The following RAI14 variants were observed in gnomAD, a reference collection of about 807,000 sequenced individuals.
The protein encoded by RAI14 is ankycorbin.
A neutral mutation model predicts 115.4 loss-of-function variants in RAI14; 45 were observed. The observed-to-expected ratio is 0.39, with a 90% CI of 0.31 to 0.50. The LOEUF is 0.50. Among genes scored for constraint, RAI14 ranks in the 20% least tolerant of loss-of-function variants. The pLI, the probability that RAI14 is intolerant of heterozygous loss-of-function variation, is 0.85. For missense variants in RAI14, 939 were observed against 1,131.2 expected, an observed-to-expected ratio of 0.83 and a Z score of 2.44; for synonymous variants, 371 against 415.4, an observed-to-expected ratio of 0.89 and a Z score of 1.30.
chr5:34,682,662 A>G (rs3816325), intron 1 of RAI14, among the ~76,000 whole-genome samples: 24,757 of 152,208 alleles, frequency 0.16, 2,264 homozygotes, highest in East Asian at 0.3. Context: ...GATGGATGCC[A>G]TATTTCAGGG....
chr5:34,722,493 G>T (rs555401392), intron 2 of RAI14, among the ~76,000 whole-genome samples: 2 of 151,804 alleles, frequency 1.3e-5, no homozygotes, highest in South Asian at 4.2e-4. Flanking sequence ...CATCCCCTCC[G>T]GTTTTAGTGA....
At chr5:34,724,558 T>G (rs1234424201) in intron 2 of RAI14, among the ~76,000 whole-genome samples, 2 of 151,992 alleles carry the variant, frequency 1.3e-5, no homozygotes, top group Non-Finnish European at 1.5e-5. Context: ...AACTGGCAAG[T>G]GGACCGAGAA....
chr5:34,745,406 C>G (rs953714745), intron 2 of RAI14, among the ~76,000 whole-genome samples: 1 of 152,174 alleles, frequency 6.6e-6, no homozygotes, highest in African/African-American at 2.4e-5. Context: ...AAGTGGCTCC[C>G]TAATATTTCA....
Position 34,732,649 on chromosome 5 carries a change from G to A in RAI14, c.37-24819G>A, listed in dbSNP as rs181839331. On this transcript the variant is annotated intron_variant, in intron 2 of 17. Transcript: ENST00000265109. ...AGATGGGGTTTTGCCACGTTGGCCA[G>A]GCTGGTCTTGAACTCCTAACCTCAG... 5.4e-4 allele frequency among the ~76,000 whole-genome samples: 82 copies of A among 151,490 alleles called. 2 individuals carry two copies. In the East Asian group the frequency reaches 0.013, roughly 24 times the overall value.
rs200095006 is a variant in RAI14 at position 34,665,174 on chromosome 5, C to T, written c.-49+8699C>T. ...ATATGTGTGTGTATATATATATATA[C>T]ACACATATATATATGTATATATATA... On this transcript the variant is annotated intron_variant, in intron 1 of 17. Transcript: ENST00000265109. Among the ~76,000 whole-genome samples, 8 of 3,056 alleles carry T rather than the reference C, an allele frequency of 2.6e-3. 1 individual carries two copies. The highest frequency in any genetic ancestry group is 7.0e-3 in the African/African-American group (8 of 1,138). 2.0% of individuals were successfully genotyped at this position (3,056 alleles called of 152,430 possible). A position where few individuals can be genotyped will look rare whatever the true frequency, so the allele number is the denominator to read the frequency against.
At chr5:34,825,602 G>A (rs987068262) in intron 15 of RAI14, among the ~76,000 whole-genome samples, 3 of 152,112 alleles carry the variant, frequency 2.0e-5, no homozygotes, top group Non-Finnish European at 4.4e-5. Flanking sequence ...GAGGAAGGGG[G>A]AGGAATGTGG....
chr5:34,750,658 A>G (rs1251246797), intron 2 of RAI14, among the ~76,000 whole-genome samples: 4 of 152,084 alleles, frequency 2.6e-5, no homozygotes, highest in African/African-American at 7.2e-5. Context: ...CATATGGAGA[A>G]AAGTACACAA....
chr5:34,681,076 A>G (rs921379358), intron 1 of RAI14, among the ~76,000 whole-genome samples: 4 of 152,192 alleles, frequency 2.6e-5, no homozygotes, highest in African/African-American at 9.6e-5. Context: ...CAGAGATTGA[A>G]GCAGCTTCCA....
At chr5:34,775,594 A>G (rs923058097) in intron 3 of RAI14, among the ~76,000 whole-genome samples, 4 of 152,168 alleles carry the variant, frequency 2.6e-5, no homozygotes, top group African/African-American at 9.7e-5. Flanking sequence ...GAATGGGCAA[A>G]AAGATCTGAA....
At position 34,707,664 on chromosome 5, in the gene RAI14, C is replaced by T. The variant is rs561998007; in HGVS notation, c.36+20709C>T. On this transcript the variant is annotated intron_variant, in intron 2 of 17. Coordinates refer to ENST00000265109, the MANE Select transcript of RAI14 (RefSeq NM_015577.3). The stretch of plus-strand genomic sequence containing the variant: ...AGGCATCTGGGGGAAAAAAACCACA[C>T]ATCTTAATTGAAGTGTATTCAAGTC... 3.9e-5 allele frequency among the ~76,000 whole-genome samples: 6 copies of T among 152,276 alleles called. No individual in the cohort carries two copies. In the South Asian group the frequency reaches 1.2e-3, roughly 32 times the overall value.
chr5:34,665,880 T>C (rs751103869), intron 1 of RAI14, among the ~76,000 whole-genome samples: 2 of 152,196 alleles, frequency 1.3e-5, no homozygotes, highest in Non-Finnish European at 2.9e-5. Flanking sequence ...AAAGTAATAA[T>C]TGTGGGTTTT....
chr5:34,775,965 ACT>A (rs1242025611), intron 3 of RAI14, among the ~76,000 whole-genome samples: 9 of 152,160 alleles, frequency 5.9e-5, no homozygotes, highest in Non-Finnish European at 1.3e-4. Flanking sequence ...AGATATCTGC[ACT>A]CTCATGTTTA....
intron 2 of RAI14, among the ~76,000 whole-genome samples, chr5:34,700,294 T>A (rs1312352784): frequency 6.6e-6 from 1 of 152,172 alleles, no homozygotes; most frequent in Non-Finnish European, 1.5e-5. Context: ...CGGACTGTTT[T>A]GTAAGCTCTG....
chr5:34,684,963 T>A (rs1484911804), intron 1 of RAI14: 6 of 152,250 alleles, frequency 3.9e-5, no homozygotes, highest in Admixed American at 1.3e-4. Context: ...TAGCACTTAC[T>A]ATGTGATGGA....
intron 1 of RAI14, among the ~76,000 whole-genome samples, chr5:34,658,077 T>G (rs559709801): frequency 6.6e-6 from 1 of 152,192 alleles, no homozygotes; most frequent in Non-Finnish European, 1.5e-5. Context: ...GCTGGGCTGT[T>G]GCACAGTTTT....
chr5:34,744,279 AT>A (rs931034471), intron 2 of RAI14, among the ~76,000 whole-genome samples: 15 of 151,600 alleles, frequency 9.9e-5, no homozygotes, highest in African/African-American at 3.4e-4. Flanking sequence ...CAAATCCTAT[AT>A]TTTTTTTTCC....
At chr5:34,809,967 ATACACTT>A (rs1755387305) in intron 7 of RAI14, among the ~76,000 whole-genome samples, 1 of 152,176 alleles carries the variant, frequency 6.6e-6, no homozygotes, top group Non-Finnish European at 1.5e-5. Context: ...ACTGACATGC[ATACACTT>A]ATATTTGATG....
At chr5:34,777,869 T>G (rs336476) in intron 3 of RAI14, among the ~76,000 whole-genome samples, 91,855 of 151,320 alleles carry the variant, frequency 0.61, 29,764 homozygotes, top group African/African-American at 0.85. Flanking sequence ...GTGTGGTGTG[T>G]GTGGGGGGGG....
At chr5:34,812,128 A>T in intron 9 of RAI14, 52 bp from the exon 10 acceptor site, 1 of 1,494,992 alleles carries the variant, frequency 6.7e-7, no homozygotes, top group Non-Finnish European at 9.2e-7. Flanking sequence ...CCCAAAGTGA[A>T]TATGAATCAT....
Sources: allele counts gnomAD v4.1 joint callset (sites outside exome capture counted in the v4.1 genomes callset), GRCh38; gene constraint gnomAD v4.1.1; transcripts MANE v1.5; gene names NCBI Gene and HGNC (gene_info 2026-07-23, HGNC 2026-07-21).